Variants in VRK3 observed in about 807,000 individuals in gnomAD.
VRK3 encodes serine/threonine-protein kinase VRK3.
In VRK3, 50 loss-of-function variants were observed where a neutral mutation model predicts 60.4. The ratio of observed to expected loss-of-function variants is 0.83; its 90% CI spans 0.66 to 1.05. The LOEUF is 1.05. Among genes scored for constraint, VRK3 ranks in the 50% least tolerant of loss-of-function variants. VRK3 has a pLI of 0.00. For synonymous variants in VRK3, 246 were observed against 227.8 expected (o/e 1.08, Z -0.72); for missense variants, 549 against 585.3 (o/e 0.94, Z 0.64).
chr19:49,988,727 C>T (rs189689072), intron 11 of VRK3, among the ~76,000 whole-genome samples: 9 of 152,338 alleles, frequency 5.9e-5, no homozygotes, highest in Admixed American at 4.6e-4. Context: ...TCACCCTCAT[C>T]CACTCCTCTT....
At position 49,989,643 on chromosome 19, in the gene VRK3, TC is replaced by T. The variant is rs765463021; in HGVS notation, c.1091del (p.Gly364AspfsTer18). ...LEFISMDLHK[G>X]CGPSRRSDLQ... ...AACCCATCCCTGGCCTCGTACCGCATCCCTTGTGCAGGTCCATGCTAATGAA... is the reference window on the plus strand; with the variant it reads ...AACCCATCCCTGGCCTCGTACCGCATCCTTGTGCAGGTCCATGCTAATGAA... On this transcript the variant is annotated frameshift_variant, in exon 11 of 15. Transcript: ENST00000316763. LOFTEE classifies it high-confidence loss of function. 2.2e-5 allele frequency: 35 copies of T among 1,607,696 alleles called. No individual in the cohort carries two copies. The South Asian group carries it at 3.8e-4, about 17-fold the overall frequency.
At chr19:50,020,265 T>A (rs931785364) in intron 2 of VRK3, among the ~76,000 whole-genome samples, 2 of 152,172 alleles carry the variant, frequency 1.3e-5, no homozygotes, top group African/African-American at 4.8e-5. Flanking sequence ...GGTCTCGAAC[T>A]CCTGACCTCA....
intron 3 of VRK3, among the ~76,000 whole-genome samples, chr19:50,014,685 GC>G (rs1347544051): frequency 2.0e-5 from 3 of 152,174 alleles, no homozygotes; most frequent in African/African-American, 7.2e-5. Context: ...ACAGGCTGAG[GC>G]CCAGGCGTGC....
intron 10 of VRK3, among the ~76,000 whole-genome samples, chr19:49,991,163 T>C (rs2076604653): frequency 6.6e-6 from 1 of 152,168 alleles, no homozygotes; most frequent in Admixed American, 6.5e-5. Context: ...AACCCTATTC[T>C]GGGAGTGTCT....
intron 5 of VRK3, among the ~76,000 whole-genome samples, chr19:50,002,642 TG>T (rs2076827615): frequency 6.6e-6 from 1 of 152,214 alleles, no homozygotes; most frequent in Non-Finnish European, 1.5e-5. Context: ...CTTTTCTAAC[TG>T]GCCCTGCAGC....
At chr19:50,017,310 C>T (rs993067363) in intron 2 of VRK3, among the ~76,000 whole-genome samples, 2 of 151,858 alleles carry the variant, frequency 1.3e-5, no homozygotes, top group Admixed American at 6.6e-5. Context: ...CACGGTGGCT[C>T]GTGCCTGTAA....
intron 11 of VRK3, among the ~76,000 whole-genome samples, chr19:49,989,309 C>A (rs1261961818): frequency 6.6e-6 from 1 of 152,318 alleles, no homozygotes; most frequent in South Asian, 2.1e-4. Flanking sequence ...CCCTCCCACA[C>A]TCCAGATGTG....
At chr19:49,989,881 TCACTTA>T in intron 10 of VRK3, 110 bp from the exon 11 acceptor site, 2 of 1,313,864 alleles carry the variant, frequency 1.5e-6, no homozygotes, top group Non-Finnish European at 2.0e-6. Flanking sequence ...ATGGCATTTT[TCACTTA>T]CAAAACTAAG....
Position 49,997,669 on chromosome 19 carries a change from C to G in VRK3, c.613-99G>C, listed in dbSNP as rs1183613438. 6 of 1,361,340 alleles carry G rather than the reference C, an allele frequency of 4.4e-6. No homozygotes were observed. The African/African-American group carries it at 7.2e-5, about 16-fold the overall frequency. 84.3% of individuals were successfully genotyped at this position (1,361,340 alleles called of 1,614,324 possible). Reference sequence around the variant, plus strand: ...ATTTGTTACTCCCTCAATGACCAGGCTCCTCATCAAGTCCCCACATCGGAG... The same window carrying G: ...ATTTGTTACTCCCTCAATGACCAGGGTCCTCATCAAGTCCCCACATCGGAG... On this transcript the variant is annotated intron_variant, in intron 6 of 14. Coordinates refer to ENST00000316763, the MANE Select transcript of VRK3 (RefSeq NM_016440.4).
In VRK3 at chr19:49,976,778, G is replaced by C. The variant is rs1034678069; in HGVS notation, c.*18C>G. The C allele has an allele frequency of 6.6e-6, 1 of 152,204 alleles. No individual in the cohort carries two copies. The highest frequency in any genetic ancestry group is 1.5e-5 in the Non-Finnish European group (1 of 68,024). 9.4% of individuals were successfully genotyped at this position (152,204 alleles called of 1,614,324 possible). ...TTTTTTCTGTTGCACACTGCAAATGGAAAGTTCTGGAAGACAATAAAAATG... is the reference window on the plus strand; with the variant it reads ...TTTTTTCTGTTGCACACTGCAAATGCAAAGTTCTGGAAGACAATAAAAATG... On this transcript the variant is annotated 3_prime_UTR_variant, in exon 15 of 15. Coordinates refer to ENST00000316763, the MANE Select transcript of VRK3 (RefSeq NM_016440.4).
rs1171183292 is a variant in VRK3, at chr19:49,980,965, G to A, written c.1266C>T (p.Ile422=). Residue 422 remains isoleucine (I), a synonymous_variant, in exon 13 of 15, where the codon ATC becomes ATT. Transcript: ENST00000316763. ...CCCTTCAGGACGTACCTGAGGGCCTGATCCAGTGACCGCAGGGTCCCACGA... is the reference window on the plus strand; with the variant it reads ...CCCTTCAGGACGTACCTGAGGGCCTAATCCAGTGACCGCAGGGTCCCACGA... The part of the protein sequence containing the change: ...GPFVGPCGHW[I]RPSETLQKYL... 4 of 1,610,936 alleles carry A rather than the reference G, an allele frequency of 2.5e-6. No homozygotes were observed. Among genetic ancestry groups the A allele is most frequent in the Non-Finnish European group, 3.4e-6 (4 of 1,178,704 alleles).
Position 50,016,048 on chromosome 19 carries a change from T to A in VRK3, c.115A>T (p.Asn39Tyr). 6.2e-7 allele frequency: 1 copy of A among 1,614,220 alleles called. No homozygotes were observed. Among genetic ancestry groups the A allele is most frequent in the Non-Finnish European group, 8.5e-7 (1 of 1,180,038 alleles). The change falls in exon 3 of 15, where the codon AAT becomes TAT. Residue 39 changes from asparagine to tyrosine, a missense_variant. Coordinates refer to ENST00000316763, the MANE Select transcript of VRK3 (RefSeq NM_016440.4). The part of the protein sequence containing the change: ...EEHVGSQTFV[N>Y]PHVSSFQGSK... Reference sequence around the variant, plus strand: ...CCTTGGAAGGATGACACATGTGGATTGACAAAGGTCTGGGACCCTACATGC... The same window carrying A: ...CCTTGGAAGGATGACACATGTGGATAGACAAAGGTCTGGGACCCTACATGC...
intron 14 of VRK3, among the ~76,000 whole-genome samples, chr19:49,978,311 CG>C (rs1235057501): frequency 1.3e-5 from 2 of 152,122 alleles, no homozygotes; most frequent in Non-Finnish European, 2.9e-5. Flanking sequence ...ATGACTACTC[CG>C]GGGAGAGAAA....
chr19:49,981,838 C>T (rs761259549), intron 12 of VRK3: 140 of 1,194,634 alleles, frequency 1.2e-4, no homozygotes, highest in Non-Finnish European at 1.4e-4. Flanking sequence ...GAGCTCGTGG[C>T]TGTGAGGGGC....
intron 3 of VRK3, among the ~76,000 whole-genome samples, chr19:50,014,534 G>A (rs920350991): frequency 2.6e-5 from 4 of 152,140 alleles, no homozygotes; most frequent in Non-Finnish European, 5.9e-5. Context: ...CCAAGATTGC[G>A]CCACTGCACC....
intron 3 of VRK3, among the ~76,000 whole-genome samples, chr19:50,013,548 G>A (rs1187919719): frequency 6.6e-6 from 1 of 152,226 alleles, no homozygotes; most frequent in Non-Finnish European, 1.5e-5. Flanking sequence ...TCCCCGCCAT[G>A]TATGCTGACT....
chr19:50,005,907 T>C (rs1228709008), intron 5 of VRK3, among the ~76,000 whole-genome samples: 1 of 149,390 alleles, frequency 6.7e-6, no homozygotes, highest in Admixed American at 6.6e-5. Context: ...GGGTTTCTTT[T>C]TGGGGTGACA....
At chr19:49,979,730 C>T (rs2076391017) in intron 13 of VRK3, among the ~76,000 whole-genome samples, 2 of 152,160 alleles carry the variant, frequency 1.3e-5, no homozygotes, top group Admixed American at 1.3e-4. Flanking sequence ...GCAGCTGAGC[C>T]ATAATCTGAA....
chr19:49,995,130 A>G, intron 8 of VRK3, 61 bp downstream of exon 8: 1 of 1,554,654 alleles, frequency 6.4e-7, no homozygotes, highest in African/African-American at 1.4e-5. Flanking sequence ...CCATGCCTGG[A>G]GTCACAACAG....
Sources: gnomAD v4.1 joint callset for allele counts (sites outside exome capture counted in the v4.1 genomes callset) on GRCh38, gnomAD v4.1.1 for gene constraint, MANE v1.5 for transcripts, NCBI Gene and HGNC (gene_info 2026-07-23, HGNC 2026-07-21) for gene names.